Variants in RARA observed in about 807,000 individuals in gnomAD.
RARA encodes PML-DDX5-RARA fusion.
RARA carries 5 observed loss-of-function variants against 42.8 expected under a neutral mutation model. That is an observed-to-expected ratio of 0.12 (90% confidence interval 0.06 to 0.25). The LOEUF is 0.25. RARA is among the 10% of genes least tolerant of loss of function. The pLI, the probability that RARA is intolerant of heterozygous loss-of-function variation, is 1.00. For synonymous variants in RARA, 256 were observed against 259.5 expected (o/e 0.99, Z 0.13); for missense variants, 402 against 628.7 (o/e 0.64, Z 3.86).
rs1198658469 is a variant in RARA, at chr17:40,351,203, T to C, written c.470-707T>C. On this transcript the variant is annotated intron_variant, in intron 4 of 8. Coordinates refer to ENST00000254066, the MANE Select transcript of RARA (RefSeq NM_000964.4). The surrounding 1 kb of genome is among the most constrained non-coding windows in gnomAD (Gnocchi z 4.1). ...ATCGACATGAGTGATCTCCAAATTA[T>C]GCCAGCTACCCCCACCTCGCTACCC... Among the ~76,000 whole-genome samples the C allele has an allele frequency of 2.0e-5, 3 of 151,848 alleles. No individual in the cohort carries two copies. The highest frequency in any genetic ancestry group is 7.3e-5 in the African/African-American group (3 of 41,298).
chr17:40,341,486 G>C, intron 2 of RARA: 1 of 1,503,534 alleles, frequency 6.7e-7, no homozygotes, highest in Non-Finnish European at 8.9e-7. Context: ...TTGGCCCCGC[G>C]CGACCCGGCC....
At chr17:40,325,606 C>A (rs895684134) in intron 1 of RARA, among the ~76,000 whole-genome samples, 1 of 152,220 alleles carries the variant, frequency 6.6e-6, no homozygotes, top group South Asian at 2.1e-4. Flanking sequence ...CAGCTCCTGG[C>A]GGGACAGGGG....
At chr17:40,342,926 CACT>C in intron 2 of RARA, 1 of 1,555,930 alleles carries the variant, frequency 6.4e-7, no homozygotes, top group East Asian at 2.3e-5. Context: ...GTAGGGCTTC[CACT>C]ACTACTCGGG....
Position 40,320,214 on chromosome 17 carries a change from C to T in RARA, c.-362-10643C>T, listed in dbSNP as rs528618026. 6.6e-5 allele frequency among the ~76,000 whole-genome samples: 10 copies of T among 152,212 alleles called. No individual in the cohort carries two copies. The South Asian group carries it at 2.1e-3, about 32-fold the overall frequency. On this transcript the variant is annotated intron_variant, in intron 1 of 8. Transcript: ENST00000254066. This position sits in a 1 kb window ranked among gnomAD's most constrained non-coding sequence, Gnocchi z 4.1. ...GGGGTTGAAATGGCTTAATCCTGGCCACATCCTCCTTCCTATAGCCCCTAA... is the reference window on the plus strand; with the variant it reads ...GGGGTTGAAATGGCTTAATCCTGGCTACATCCTCCTTCCTATAGCCCCTAA...
In RARA at chr17:40,316,762, G is replaced by T. The variant is rs1161919724; in HGVS notation, c.-363+7476G>T. On this transcript the variant is annotated intron_variant, in intron 1 of 8. Coordinates refer to ENST00000254066, the MANE Select transcript of RARA (RefSeq NM_000964.4). ...GCGTCCACATCTGGGAGCCATTGGC[G>T]CATTCCTGCCGGCTGAGCGCATGTT... is the stretch of plus-strand genomic sequence containing the variant. Among the ~76,000 whole-genome samples the T allele has an allele frequency of 2.7e-5, 4 of 147,966 alleles. No individual in the cohort carries two copies. The East Asian group carries it at 6.3e-4, about 23-fold the overall frequency.
intron 2 of RARA, among the ~76,000 whole-genome samples, chr17:40,335,701 G>T (rs1036808436): frequency 2.0e-5 from 3 of 147,966 alleles, no homozygotes; most frequent in Non-Finnish European, 4.5e-5. Flanking sequence ...GAAAAAAAAA[G>T]ATAATAAAAT....
rs1393330615 is a variant in RARA, at chr17:40,356,641, G to A, written c.*415G>A. The A allele has an allele frequency of 1.9e-6, 1 of 531,468 alleles. No individual in the cohort carries two copies. 32.9% of individuals were successfully genotyped at this position (531,468 alleles called of 1,614,324 possible). A position where few individuals can be genotyped will look rare whatever the true frequency, so the allele number is the denominator to read the frequency against. On this transcript the variant is annotated 3_prime_UTR_variant, in exon 9 of 9. Transcript: ENST00000254066. ...GCTGGGGAACCTCAACCTCCCCCCTGCCTCGGTTGGTGACAGAGGGGGTGG... is the reference window on the plus strand; with the variant it reads ...GCTGGGGAACCTCAACCTCCCCCCTACCTCGGTTGGTGACAGAGGGGGTGG...
In RARA at chr17:40,354,200, C is replaced by T. The variant is rs779963518; in HGVS notation, c.808-102C>T. On this transcript the variant is annotated intron_variant, in intron 6 of 8. Transcript: ENST00000254066. The surrounding 1 kb of genome is among the most constrained non-coding windows in gnomAD (Gnocchi z 4.5). ...TATCAGACAGCATTGCTCCGGCCAC[C>T]TGCCAGGTGGTCCTCCGGGAGTGCT... is the stretch of plus-strand genomic sequence containing the variant. 7.9e-6 allele frequency: 9 copies of T among 1,133,794 alleles called. No homozygotes were observed. In the Admixed American group the frequency reaches 1.9e-4, roughly 24 times the overall value. The allele number at this position is 1,133,794 out of a possible 1,614,324, so 70.2% of individuals were successfully genotyped here.
At chr17:40,323,838 G>C (rs1280866391) in intron 1 of RARA, among the ~76,000 whole-genome samples, 3 of 130,468 alleles carry the variant, frequency 2.3e-5, no homozygotes, top group South Asian at 5.9e-4. Context: ...GGACTTGGTG[G>C]GGGGGTGTAT....
Position 40,356,232 on chromosome 17 carries a change from C to A in RARA, c.*6C>A, listed in dbSNP as rs912991920. On this transcript the variant is annotated 3_prime_UTR_variant, in exon 9 of 9. Transcript: ENST00000254066. ...CGGCCACCCACTCCCCGTGACCGCC[C>A]ACGCCACATGGACACAGCCCTCGCC... 1.2e-5 allele frequency: 18 copies of A among 1,549,454 alleles called. No homozygotes were observed. In the African/African-American group the frequency reaches 2.1e-4, roughly 18 times the overall value.
Position 40,351,467 on chromosome 17 carries a change from G to C in RARA, c.470-443G>C, listed in dbSNP as rs940952456. On this transcript the variant is annotated intron_variant, in intron 4 of 8. Transcript: ENST00000254066. This position sits in a 1 kb window ranked among gnomAD's most constrained non-coding sequence, Gnocchi z 4.1. ...GGCTGGGGAGCCCTACTCCCCACTT[G>C]CCCCAGGAGCTGCTCAGAGCCAGTC... 3 of 472,308 alleles carry C rather than the reference G, an allele frequency of 6.4e-6. No homozygotes were observed. The highest frequency in any genetic ancestry group is 1.3e-5 in the Non-Finnish European group (3 of 228,104). The allele number at this position is 472,308 out of a possible 1,614,324, so 29.3% of individuals were successfully genotyped here. A position where few individuals can be genotyped will look rare whatever the true frequency, so the allele number is the denominator to read the frequency against.
rs1374080800 is a variant in RARA at position 40,314,489 on chromosome 17, G to A, written c.-363+5203G>A. ...GTGGGAGAGTGGGTGGTGAGTGATG[G>A]GCAGGCTGCAGTGGGGGCAGGGCAG... On this transcript the variant is annotated intron_variant, in intron 1 of 8. Coordinates refer to ENST00000254066, the MANE Select transcript of RARA (RefSeq NM_000964.4). Among the ~76,000 whole-genome samples, 20 of 151,688 alleles carry A rather than the reference G, an allele frequency of 1.3e-4. No homozygotes were observed. The East Asian group carries it at 3.7e-3, about 28-fold the overall frequency.
At chr17:40,329,945 CCTAT>C (rs974060857) in intron 1 of RARA, among the ~76,000 whole-genome samples, 36 of 152,264 alleles carry the variant, frequency 2.4e-4, no homozygotes, top group Admixed American at 5.9e-4. Flanking sequence ...CTTGTTGCTG[CCTAT>C]CTGTCTCACT....
chr17:40,311,207 G>A (rs1052874365), intron 1 of RARA, among the ~76,000 whole-genome samples: 30 of 152,028 alleles, frequency 2.0e-4, no homozygotes, highest in African/African-American at 6.3e-4. Context: ...TATGTGTGGC[G>A]GCTAAGAGCA....
At position 40,312,576 on chromosome 17, in the gene RARA, C is replaced by T. The variant is rs1324708271; in HGVS notation, c.-363+3290C>T. Among the ~76,000 whole-genome samples, 3 of 152,170 alleles carry T rather than the reference C, an allele frequency of 2.0e-5. No homozygotes were observed. In the South Asian group the frequency reaches 6.2e-4, roughly 32 times the overall value. On this transcript the variant is annotated intron_variant, in intron 1 of 8. Coordinates refer to ENST00000254066, the MANE Select transcript of RARA (RefSeq NM_000964.4). ...AGGGGCTGGCCAAGGTGAGGGTAAG[C>T]AGGCAGGCAGAGGAGTGAGGAAGGG...
chr17:40,348,083 T>G, intron 2 of RARA: 1 of 419,354 alleles, frequency 2.4e-6, no homozygotes, highest in Non-Finnish European at 4.2e-6. Context: ...ATCTTTGTGG[T>G]TTTGAAGGTG....
At chr17:40,340,071 A>C (rs1598563055) in intron 2 of RARA, among the ~76,000 whole-genome samples, 1 of 152,248 alleles carries the variant, frequency 6.6e-6, no homozygotes, top group East Asian at 1.9e-4. Flanking sequence ...CTGATGCGTA[A>C]GTCACACACA....
intron 1 of RARA, among the ~76,000 whole-genome samples, chr17:40,316,116 T>G (rs140987324): frequency 0.015 from 2,311 of 152,340 alleles, 30 homozygotes; most frequent in Non-Finnish European, 0.023. Flanking sequence ...TGGGTAGGGC[T>G]GGGCCTTGGA....
intron 1 of RARA, among the ~76,000 whole-genome samples, chr17:40,321,031 G>T (rs2033360433): frequency 6.6e-6 from 1 of 152,104 alleles, no homozygotes; most frequent in African/African-American, 2.4e-5. Flanking sequence ...GACGCCTGCT[G>T]TCTTTCCTCC....
Sources: gnomAD v4.1 joint callset for allele counts (sites outside exome capture counted in the v4.1 genomes callset) on GRCh38, gnomAD v4.1.1 for gene constraint, Gnocchi (gnomAD v3.1) non-coding constraint, MANE v1.5 for transcripts, NCBI Gene and HGNC (gene_info 2026-07-23, HGNC 2026-07-21) for gene names.